Variants in PLXDC1 observed in about 807,000 individuals in gnomAD.
PLXDC1 encodes plexin domain containing 1, also known as plexin domain-containing protein 1.
A neutral mutation model predicts 61.3 loss-of-function variants in PLXDC1; 39 were observed. The observed-to-expected ratio is 0.64, with a 90% CI of 0.49 to 0.83. The LOEUF (loss-of-function observed/expected upper bound fraction) is 0.83. PLXDC1 is among the 40% of genes least tolerant of loss of function. The probability of loss-of-function intolerance (pLI) is 0.00; values close to 1 mark genes in which losing one functional copy is unlikely to be tolerated. For synonymous variants in PLXDC1, 212 were observed against 254.5 expected (o/e 0.83, Z 1.59); for missense variants, 596 against 666.5 (o/e 0.89, Z 1.17).
In PLXDC1 at chr17:39,070,008, T is replaced by C. The variant is rs1452369495; in HGVS notation, c.1231A>G (p.Asn411Asp). 1 of 1,613,606 alleles carries C rather than the reference T, an allele frequency of 6.2e-7. No individual in the cohort carries two copies. Among genetic ancestry groups the C allele is most frequent in the Non-Finnish European group, 8.5e-7 (1 of 1,179,752 alleles). Residue 411 changes from asparagine (N) to aspartate (D), a missense_variant, in exon 13 of 14, where the codon AAC becomes GAC. By Grantham distance (23) the Asn-to-Asp change is conservative (BLOSUM62 1). Transcript: ENST00000315392. ...CCCTTTGTCTTGGGGGACAGGTTGT[T>C]CTGAAGGCCTGTGGAGAGATCATTA... Reference protein sequence around the residue: ...NPYAGGDGLQNNLSPKTKGTP... With the variant: ...NPYAGGDGLQDNLSPKTKGTP...
chr17:39,129,931 C>T (rs1437090143), intron 2 of PLXDC1, among the ~76,000 whole-genome samples: 11 of 152,014 alleles, frequency 7.2e-5, no homozygotes, highest in African/African-American at 2.2e-4. Context: ...TACATTCATA[C>T]GATTAAATAT....
At chr17:39,090,204 A>T (rs9904062) in intron 7 of PLXDC1, among the ~76,000 whole-genome samples, 4,904 of 152,266 alleles carry the variant, frequency 0.032, 245 homozygotes, top group African/African-American at 0.11. Context: ...TCTTCCCAAC[A>T]CAATGCCCTG....
Position 39,064,073 on chromosome 17 carries a change from ACC to A in PLXDC1, c.*3765_*3766del. The A allele has an allele frequency of 6.4e-6, 1 of 155,624 alleles. No individual in the cohort carries two copies. The highest frequency in any genetic ancestry group is 6.2e-5 in the Admixed American group (1 of 16,142). The allele number at this position is 155,624 out of a possible 1,614,324, so 9.6% of individuals were successfully genotyped here. A position where few individuals can be genotyped will look rare whatever the true frequency, so the allele number is the denominator to read the frequency against. Reference sequence around the variant, plus strand: ...TGTCCAATCTCTTTAGCAACAAAATACCTGTGTGTGCATATCTTATTGCTCAA... The same window carrying A: ...TGTCCAATCTCTTTAGCAACAAAATATGTGTGTGCATATCTTATTGCTCAA... On this transcript the variant is annotated 3_prime_UTR_variant, in exon 14 of 14. Transcript: ENST00000315392.
intron 1 of PLXDC1, among the ~76,000 whole-genome samples, chr17:39,146,894 C>T (rs1392356078): frequency 6.8e-6 from 1 of 147,908 alleles, no homozygotes; most frequent in South Asian, 2.1e-4. Context: ...AGATGGTTTT[C>T]GGATCCTGAA....
chr17:39,072,644 AG>A (rs1320104196), intron 11 of PLXDC1, 159 bp from the exon 12 acceptor site: 5 of 656,886 alleles, frequency 7.6e-6, no homozygotes, highest in African/African-American at 1.8e-5. Context: ...GTCACACAGC[AG>A]TTGAGTGTAG....
chr17:39,103,975 G>C (rs1009494086), intron 7 of PLXDC1, among the ~76,000 whole-genome samples: 2 of 152,124 alleles, frequency 1.3e-5, no homozygotes, highest in Admixed American at 6.6e-5. Context: ...AGTCACAAAA[G>C]CTGCATGAAA....
intron 2 of PLXDC1, among the ~76,000 whole-genome samples, chr17:39,121,488 C>CT (rs1337796030): frequency 6.6e-6 from 1 of 152,212 alleles, no homozygotes; most frequent in Non-Finnish European, 1.5e-5. Context: ...AAGTCAATCA[C>CT]TGCTAGCTTC....
At position 39,108,916 on chromosome 17, in the gene PLXDC1, T is replaced by C; in HGVS notation, c.457A>G (p.Ile153Val). 1.2e-6 allele frequency: 2 copies of C among 1,613,070 alleles called. No individual in the cohort carries two copies. Among genetic ancestry groups the C allele is most frequent in the Non-Finnish European group, 1.7e-6 (2 of 1,179,348 alleles). Residue 153 changes from isoleucine to valine, a missense_variant, in exon 4 of 14, where the codon ATA becomes GTA. By Grantham distance (29) the Ile-to-Val change is conservative. Coordinates refer to ENST00000315392, the MANE Select transcript of PLXDC1 (RefSeq NM_020405.5). ...FYGHPLRQIT[I>V]ATGGFIFMGD... ...GACGTGGCCTTACCTCCAGTTGCTA[T>C]GGTGATCTGCCGCAGAGGATGCCCG...
chr17:39,077,025 G>A (rs1008218420), intron 11 of PLXDC1, among the ~76,000 whole-genome samples: 8 of 152,068 alleles, frequency 5.3e-5, no homozygotes, highest in Admixed American at 2.6e-4. Flanking sequence ...GAGCCACCGC[G>A]CCCGGCCAAT....
At chr17:39,132,650 G>A (rs895485392) in intron 2 of PLXDC1, among the ~76,000 whole-genome samples, 25 of 152,282 alleles carry the variant, frequency 1.6e-4, no homozygotes, top group African/African-American at 4.6e-4. Flanking sequence ...ATGGCCTGGC[G>A]GGGGGTGCCT....
At chr17:39,077,675 T>A (rs549847008) in intron 11 of PLXDC1, among the ~76,000 whole-genome samples, 1 of 152,348 alleles carries the variant, frequency 6.6e-6, no homozygotes, top group South Asian at 2.1e-4. Context: ...GTAGCCCTGA[T>A]GTGGGCCAGT....
intron 1 of PLXDC1, among the ~76,000 whole-genome samples, chr17:39,141,903 T>C (rs908500808): frequency 4.6e-5 from 7 of 152,218 alleles, no homozygotes; most frequent in Non-Finnish European, 8.8e-5. Context: ...ATTTCCCTGA[T>C]GATTAGTGAT....
In PLXDC1 at chr17:39,107,640, G is replaced by A. The variant is rs536958205; in HGVS notation, c.593-115C>T. ...GGTTGGGTCCCTTCGGGATGATGGG[G>A]AAGTTTGCAAAGGTAAGGAGGCAGG... On this transcript the variant is annotated intron_variant, in intron 5 of 13. Transcript: ENST00000315392. 1,081 of 798,106 alleles carry A rather than the reference G, an allele frequency of 1.4e-3. 4 individuals carry two copies. The highest frequency in any genetic ancestry group is 1.9e-3 in the Non-Finnish European group (851 of 449,416). 49.4% of individuals were successfully genotyped at this position (798,106 alleles called of 1,614,324 possible). A position where few individuals can be genotyped will look rare whatever the true frequency, so the allele number is the denominator to read the frequency against.
chr17:39,087,778 G>T, intron 7 of PLXDC1, 76 bp from the exon 8 acceptor site: 1 of 1,038,748 alleles, frequency 9.6e-7, no homozygotes, highest in Non-Finnish European at 1.5e-6. Context: ...CGGACAGTCT[G>T]ACAGGTCAGC....
intron 2 of PLXDC1, among the ~76,000 whole-genome samples, chr17:39,134,754 G>T (rs748968626): frequency 9.9e-5 from 15 of 152,090 alleles, no homozygotes; most frequent in Non-Finnish European, 1.8e-4. Flanking sequence ...AGGGACAAGA[G>T]TGCAAGCCTC....
chr17:39,137,939 T>C (rs924828093), intron 2 of PLXDC1, among the ~76,000 whole-genome samples: 2 of 151,990 alleles, frequency 1.3e-5, no homozygotes, highest in African/African-American at 2.4e-5. Flanking sequence ...TTATCTTATT[T>C]TCTTTCTTTT....
chr17:39,086,010 G>A (rs1909726668), intron 8 of PLXDC1, among the ~76,000 whole-genome samples: 1 of 152,092 alleles, frequency 6.6e-6, no homozygotes. Flanking sequence ...ATTTCAGATG[G>A]CCTGAATGCT....
At chr17:39,072,601 CTG>C (rs1005306851) in intron 11 of PLXDC1, 116 bp from the exon 12 acceptor site, 1 of 740,954 alleles carries the variant, frequency 1.3e-6, no homozygotes, top group Admixed American at 2.0e-5. Flanking sequence ...GGTAAGGAAA[CTG>C]AGGCTCAGAG....
chr17:39,139,447 C>T (rs528400139), intron 2 of PLXDC1, among the ~76,000 whole-genome samples: 2 of 152,300 alleles, frequency 1.3e-5, no homozygotes, highest in Middle Eastern at 6.8e-3. Context: ...GAGTAGGCAG[C>T]CTATGAAACG....
Sources: allele counts gnomAD v4.1 joint callset (sites outside exome capture counted in the v4.1 genomes callset), GRCh38; gene constraint gnomAD v4.1.1; transcripts MANE v1.5; gene names NCBI Gene and HGNC (gene_info 2026-07-23, HGNC 2026-07-21).